ASB3: variants seen among roughly 807,000 people sequenced by gnomAD.
ASB3 encodes the protein ankyrin repeat and SOCS box protein 3.
A neutral mutation model predicts 54.5 loss-of-function variants in ASB3; 41 were observed. The ratio of observed to expected loss-of-function variants is 0.75; its 90% confidence interval spans 0.59 to 0.98. The LOEUF (loss-of-function observed/expected upper bound fraction) is 0.98, where lower values mean the gene tolerates loss of function less well. ASB3 is among the 50% of genes least tolerant of loss of function. The pLI is 0.00. For missense variants in ASB3, 733 were observed against 620.0 expected (o/e 1.18, Z -1.94); for synonymous variants, 266 against 221.2 (o/e 1.20, Z -1.80).
intron 5 of ASB3, among the ~76,000 whole-genome samples, chr2:53,726,314 G>A (rs7573616): frequency 0.015 from 2,233 of 148,436 alleles, 55 homozygotes; most frequent in African/African-American, 0.052. Context: ...AGGCTGGAGT[G>A]CAGAGGCGCG....
chr2:53,783,186 A>G (rs570973833), intron 1 of ASB3, among the ~76,000 whole-genome samples: 4 of 152,282 alleles, frequency 2.6e-5, no homozygotes, highest in South Asian at 2.1e-4. Flanking sequence ...TTTAAAAGTT[A>G]TAAGTGTTAT....
chr2:53,764,026 A>G (rs1673298160), intron 2 of ASB3, among the ~76,000 whole-genome samples: 2 of 152,192 alleles, frequency 1.3e-5, no homozygotes, highest in Admixed American at 1.3e-4. Flanking sequence ...AGACAAAAAA[A>G]AGAAAAAAAC....
intron 2 of ASB3, among the ~76,000 whole-genome samples, chr2:53,757,620 T>A (rs1398121577): frequency 2.0e-5 from 3 of 152,210 alleles, no homozygotes; most frequent in Admixed American, 1.3e-4. Flanking sequence ...TCCCAAGTAT[T>A]AGAGCAAGTT....
chr2:53,765,885 C>A (rs781723856), intron 1 of ASB3, among the ~76,000 whole-genome samples: 1 of 151,822 alleles, frequency 6.6e-6, no homozygotes, highest in Non-Finnish European at 1.5e-5. Context: ...CCTGTTCATA[C>A]CCCACCACAA....
At chr2:53,691,694 C>T (rs1163810437) in intron 9 of ASB3, among the ~76,000 whole-genome samples, 1 of 152,096 alleles carries the variant, frequency 6.6e-6, no homozygotes, top group Non-Finnish European at 1.5e-5. Flanking sequence ...ATCCTAAAAA[C>T]TGATGAGTAA....
intron 1 of ASB3, chr2:53,767,830 C>G (rs965734324): frequency 7.7e-6 from 12 of 1,552,696 alleles, no homozygotes; most frequent in Non-Finnish European, 1.0e-5. Flanking sequence ...CTTCAGTCCC[C>G]GGCGGCGCGG....
At chr2:53,675,589 G>A (rs1668042856) in intron 9 of ASB3, among the ~76,000 whole-genome samples, 1 of 152,092 alleles carries the variant, frequency 6.6e-6, no homozygotes, top group Non-Finnish European at 1.5e-5. Flanking sequence ...ACTAAATCAG[G>A]ATTCTATCTA....
chr2:53,708,594 G>C (rs1173778587), intron 7 of ASB3, among the ~76,000 whole-genome samples: 1 of 152,162 alleles, frequency 6.6e-6, no homozygotes, highest in Non-Finnish European at 1.5e-5. Flanking sequence ...AGAAAGATGA[G>C]GGAAAGTTTG....
At chr2:53,742,188 GCCA>G (rs1351689493) in intron 3 of ASB3, among the ~76,000 whole-genome samples, 2 of 152,126 alleles carry the variant, frequency 1.3e-5, no homozygotes, top group African/African-American at 4.8e-5. Flanking sequence ...TCCCACAGCT[GCCA>G]ACCCCCAATG....
At chr2:53,705,979 T>A (rs182951519) in intron 7 of ASB3, among the ~76,000 whole-genome samples, 13 of 152,186 alleles carry the variant, frequency 8.5e-5, no homozygotes, top group Non-Finnish European at 1.5e-5. Flanking sequence ...TATATTGACA[T>A]TGAGACCAAA....
chr2:53,710,428 T>C (rs989726443), intron 7 of ASB3, among the ~76,000 whole-genome samples: 2 of 152,256 alleles, frequency 1.3e-5, no homozygotes, highest in Admixed American at 6.5e-5. Flanking sequence ...AGCACCATTA[T>C]AAGAGCTGCT....
At chr2:53,729,386 C>T in intron 4 of ASB3, 72 bp downstream of exon 4, 2 of 1,507,030 alleles carry the variant, frequency 1.3e-6, no homozygotes, top group East Asian at 4.6e-5. Flanking sequence ...GCAAAAACTG[C>T]ATAGGACTGT....
intron 9 of ASB3, 110 bp from the exon 10 acceptor site, chr2:53,670,800 G>C: frequency 8.0e-7 from 1 of 1,257,334 alleles, no homozygotes; most frequent in Non-Finnish European, 1.1e-6. Flanking sequence ...GTGATATATT[G>C]CTTGAAAGAA....
intron 1 of ASB3, among the ~76,000 whole-genome samples, chr2:53,766,474 C>G (rs1235364149): frequency 6.6e-6 from 1 of 152,142 alleles, no homozygotes; most frequent in African/African-American, 2.4e-5. Context: ...GGAGAATGCC[C>G]TTATTCTTTT....
chr2:53,693,930 C>T lies in ASB3; in HGVS notation c.1323G>A (p.Met441Ile), dbSNP rs1172083579. 3.1e-6 allele frequency: 5 copies of T among 1,613,508 alleles called. No individual in the cohort carries two copies. The highest frequency in any genetic ancestry group is 2.2e-5 in the East Asian group (1 of 44,864). ...AAGCGTTTGAGGCACGAGCAGAGAGCATCCTTTCAACAGCTGGTGCAAGTG... is the reference window on the plus strand; with the variant it reads ...AAGCGTTTGAGGCACGAGCAGAGAGTATCCTTTCAACAGCTGGTGCAAGTG... ...WKTLAPAVER[M>I]LSARASNAWI... Residue 441 changes from methionine (M) to isoleucine (I), a missense_variant, in exon 9 of 10, where the codon ATG becomes ATA. Transcript: ENST00000263634.
At chr2:53,715,031 A>C (rs1026133957) in intron 6 of ASB3, among the ~76,000 whole-genome samples, 1 of 152,114 alleles carries the variant, frequency 6.6e-6, no homozygotes, top group Non-Finnish European at 1.5e-5. Context: ...AATTAGTAAA[A>C]ATTTTTAAAG....
rs572140449 is a variant in ASB3 at position 53,744,897 on chromosome 2, C to A, written c.355+5886G>T. ...TTGAAATAGGCAGCCTCACCCAACA[C>A]TATTTATAAAACATTCTGTTCTTAT... On this transcript the variant is annotated intron_variant, in intron 3 of 9. Coordinates refer to ENST00000263634, the MANE Select transcript of ASB3 (RefSeq NM_016115.5). Among the ~76,000 whole-genome samples, 3 of 152,286 alleles carry A rather than the reference C, an allele frequency of 2.0e-5. No individual in the cohort carries two copies. The South Asian group carries it at 6.2e-4, about 32-fold the overall frequency.
intron 9 of ASB3, among the ~76,000 whole-genome samples, chr2:53,677,765 GA>G (rs879856824): frequency 3.3e-5 from 5 of 151,172 alleles, no homozygotes; most frequent in African/African-American, 9.7e-5. Context: ...AAAACATTGA[GA>G]AAAAAAAATC....
intron 3 of ASB3, among the ~76,000 whole-genome samples, chr2:53,737,222 C>T (rs185554134): frequency 3.7e-4 from 56 of 152,150 alleles, no homozygotes; most frequent in African/African-American, 1.3e-3. Context: ...AGAGATGAGC[C>T]CATGATCACC....
Sources: allele counts gnomAD v4.1 joint callset (sites outside exome capture counted in the v4.1 genomes callset), GRCh38; gene constraint gnomAD v4.1.1; transcripts MANE v1.5; gene names NCBI Gene and HGNC (gene_info 2026-07-23, HGNC 2026-07-21).